The following KCNIP4 variants were observed in gnomAD, a reference collection of about 807,000 sequenced individuals.
The protein encoded by KCNIP4 is potassium voltage-gated channel interacting protein 4.
A neutral mutation model predicts 34.0 loss-of-function variants in KCNIP4; 12 were observed. The ratio of observed to expected loss-of-function variants is 0.35; its 90% CI spans 0.23 to 0.57. KCNIP4 has a LOEUF of 0.57. Among genes scored for constraint, KCNIP4 ranks in the 20% least tolerant of loss-of-function variants. The probability of loss-of-function intolerance (pLI) is 0.83; values close to 1 mark genes in which losing one functional copy is unlikely to be tolerated. For missense variants in KCNIP4, 238 were observed against 311.7 expected, an observed-to-expected ratio of 0.76 and a Z score of 1.78; for synonymous variants, 124 against 102.2, an observed-to-expected ratio of 1.21 and a Z score of -1.29.
At chr4:21,510,647 TCA>T in intron 1 of KCNIP4, among the ~76,000 whole-genome samples, 1 of 152,290 alleles carries the variant, frequency 6.6e-6, no homozygotes, top group South Asian at 2.1e-4. Context: ...TCTCTAAGCC[TCA>T]GTTTCCTCAT....
rs78808403 is a variant in KCNIP4 at position 21,139,200 on chromosome 4, G to A, written c.62-256491C>T. Among the ~76,000 whole-genome samples, 45 of 152,302 alleles carry A rather than the reference G, an allele frequency of 3.0e-4. No individual in the cohort carries two copies. In the East Asian group the frequency reaches 8.3e-3, roughly 28 times the overall value. On this transcript the variant is annotated intron_variant, in intron 1 of 8. Coordinates refer to ENST00000382152, the MANE Select transcript of KCNIP4 (RefSeq NM_025221.6). Reference sequence around the variant, plus strand: ...TCTCTGGAGCAAAAATCAGGAAAGTGAGACCTGCAGCCTGAGCTGCCATAG... The same window carrying A: ...TCTCTGGAGCAAAAATCAGGAAAGTAAGACCTGCAGCCTGAGCTGCCATAG...
intron 1 of KCNIP4, among the ~76,000 whole-genome samples, chr4:21,580,335 G>C (rs2109070128): frequency 6.6e-6 from 1 of 152,074 alleles, no homozygotes; most frequent in Middle Eastern, 3.4e-3. Context: ...TAAACACAAG[G>C]TTACAATGTT....
At chr4:20,884,927 C>T (rs1335796662) in intron 1 of KCNIP4, among the ~76,000 whole-genome samples, 3 of 152,078 alleles carry the variant, frequency 2.0e-5, no homozygotes, top group Non-Finnish European at 4.4e-5. Flanking sequence ...TTTCAAACTC[C>T]TGACCTCAAG....
intron 1 of KCNIP4, among the ~76,000 whole-genome samples, chr4:21,665,923 G>A (rs1407637327): frequency 6.6e-6 from 1 of 152,030 alleles, no homozygotes; most frequent in East Asian, 1.9e-4. Flanking sequence ...TTCAATTATT[G>A]TGAACCCAGG....
chr4:20,825,225 GTTTTT>G (rs71181592), intron 3 of KCNIP4, among the ~76,000 whole-genome samples: 34 of 113,598 alleles, frequency 3.0e-4, no homozygotes, highest in African/African-American at 1.1e-3. Flanking sequence ...TCAATTTTAC[GTTTTT>G]TTTTTTTTTT....
intron 1 of KCNIP4, among the ~76,000 whole-genome samples, chr4:21,166,937 T>TAA (rs1753669053): frequency 6.1e-5 from 1 of 16,336 alleles, no homozygotes; most frequent in African/African-American, 2.9e-4. Context: ...ACACTCCATC[T>TAA]CAAAAAAAAA....
At chr4:20,967,060 T>C (rs1379602222) in intron 1 of KCNIP4, among the ~76,000 whole-genome samples, 1 of 152,198 alleles carries the variant, frequency 6.6e-6, no homozygotes, top group Non-Finnish European at 1.5e-5. Flanking sequence ...AGTACCATTC[T>C]GCTTCTACAA....
intron 1 of KCNIP4, among the ~76,000 whole-genome samples, chr4:21,359,042 C>T (rs190194583): frequency 1.6e-4 from 25 of 152,194 alleles, no homozygotes; most frequent in Admixed American, 1.5e-3. Context: ...TGTGTCATGG[C>T]TGTGTGTCCT....
At chr4:21,031,497 A>T (rs1362391870) in intron 1 of KCNIP4, among the ~76,000 whole-genome samples, 2 of 152,218 alleles carry the variant, frequency 1.3e-5, no homozygotes, top group Non-Finnish European at 2.9e-5. Context: ...GATTGGTAAA[A>T]CAAACAAGAG....
intron 1 of KCNIP4, among the ~76,000 whole-genome samples, chr4:21,429,124 G>A (rs566392030): frequency 3.9e-5 from 6 of 152,124 alleles, no homozygotes; most frequent in East Asian, 1.9e-4. Context: ...TCCTCTGTGC[G>A]CCGCCTATTC....
intron 3 of KCNIP4, among the ~76,000 whole-genome samples, chr4:20,819,075 G>A (rs111238697): frequency 1.4e-4 from 21 of 151,766 alleles, no homozygotes; most frequent in African/African-American, 4.6e-4. Context: ...GTAGAGACAG[G>A]GTTTCTCCAT....
At chr4:20,802,236 T>C (rs1331531308) in intron 3 of KCNIP4, among the ~76,000 whole-genome samples, 3 of 146,566 alleles carry the variant, frequency 2.0e-5, no homozygotes, top group African/African-American at 4.9e-5. Context: ...ATATGCTACA[T>C]ATATGCTATA....
In KCNIP4 at chr4:21,266,507, C is replaced by T. The variant is rs546669685; in HGVS notation, c.62-383798G>A. Among the ~76,000 whole-genome samples the T allele has an allele frequency of 3.3e-5, 5 of 152,170 alleles. No homozygotes were observed. In the South Asian group the frequency reaches 1.0e-3, roughly 32 times the overall value. On this transcript the variant is annotated intron_variant, in intron 1 of 8. Coordinates refer to ENST00000382152, the MANE Select transcript of KCNIP4 (RefSeq NM_025221.6). Reference sequence around the variant, plus strand: ...ACTATAGTGATGACAACTTGGATTCCCTGGATTTAGCCAGAATGGAATGTG... The same window carrying T: ...ACTATAGTGATGACAACTTGGATTCTCTGGATTTAGCCAGAATGGAATGTG...
intron 1 of KCNIP4, among the ~76,000 whole-genome samples, chr4:21,243,046 AT>A (rs1327176375): frequency 1.3e-5 from 2 of 152,102 alleles, no homozygotes. Context: ...AGTGATCAAT[AT>A]TTCTTATCAC....
chr4:21,890,372 A>G (rs573318838), intron 1 of KCNIP4, among the ~76,000 whole-genome samples: 2 of 152,276 alleles, frequency 1.3e-5, no homozygotes, highest in South Asian at 2.1e-4. Flanking sequence ...TTGTGTAAAT[A>G]CAGTCTGACT....
intron 1 of KCNIP4, among the ~76,000 whole-genome samples, chr4:21,087,021 C>G (rs1414809445): frequency 1.3e-5 from 2 of 149,652 alleles, no homozygotes; most frequent in Admixed American, 1.3e-4. Flanking sequence ...GCTCTGTCAC[C>G]CAGGCTGAAG....
chr4:20,905,594 C>T (rs918644931), intron 1 of KCNIP4, among the ~76,000 whole-genome samples: 2 of 144,212 alleles, frequency 1.4e-5, no homozygotes, highest in Non-Finnish European at 3.0e-5. Flanking sequence ...TCACTGCAAC[C>T]TCTACCTCCC....
chr4:21,066,878 A>AG (rs1744442945), intron 1 of KCNIP4, among the ~76,000 whole-genome samples: 1 of 152,188 alleles, frequency 6.6e-6, no homozygotes, highest in African/African-American at 2.4e-5. Flanking sequence ...CAAAGGGGCC[A>AG]GGGGACTTGG....
chr4:20,988,993 T>G (rs529716439), intron 1 of KCNIP4, among the ~76,000 whole-genome samples: 5 of 152,340 alleles, frequency 3.3e-5, no homozygotes, highest in Admixed American at 1.3e-4. Context: ...CCCTGTATAT[T>G]TTTCTTCCCA....
Sources: gnomAD v4.1 joint callset for allele counts (sites outside exome capture counted in the v4.1 genomes callset) on GRCh38, gnomAD v4.1.1 for gene constraint, MANE v1.5 for transcripts, NCBI Gene and HGNC (gene_info 2026-07-23, HGNC 2026-07-21) for gene names.